DPF2: variants seen among roughly 807,000 people sequenced by gnomAD.
DPF2 encodes the protein double PHD fingers 2.
Under a neutral mutation model 59.6 loss-of-function variants are expected in DPF2, and 10 were observed. That is an observed-to-expected ratio of 0.17 (90% CI 0.10 to 0.28). The LOEUF (loss-of-function observed/expected upper bound fraction) is 0.28, where lower values mean the gene tolerates loss of function less well. Among genes scored for constraint, DPF2 ranks in the 10% least tolerant of loss-of-function variants. DPF2 has a pLI of 1.00. For synonymous variants in DPF2, 189 were observed against 190.6 expected (o/e 0.99, Z 0.07); for missense variants, 315 against 509.4 (o/e 0.62, Z 3.67).
chr11:65,348,572 C>A, intron 9 of DPF2: 1 of 371,892 alleles, frequency 2.7e-6, no homozygotes, highest in Non-Finnish European at 4.8e-6. Flanking sequence ...CAGCAATACC[C>A]TGTCTCAAAA....
intron 6 of DPF2, chr11:65,345,416 A>G: frequency 1.9e-6 from 1 of 520,490 alleles, no homozygotes; most frequent in Non-Finnish European, 3.4e-6. Context: ...AAAAGTCAAC[A>G]TGGAAGAGCA....
rs535335942 is a variant in DPF2, at chr11:65,350,223, G to A, written c.1099+1292G>A. ...TCCTCACTGTAGTGTTAAGGCAGCT[G>A]AGGGGCAACCCCTAGAAGTATCAGA... On this transcript the variant is annotated intron_variant, in intron 10 of 10. Coordinates refer to ENST00000528416, the MANE Select transcript of DPF2 (RefSeq NM_006268.5). Among the ~76,000 whole-genome samples the A allele has an allele frequency of 3.3e-5, 5 of 152,292 alleles. No homozygotes were observed. The East Asian group carries it at 9.7e-4, about 29-fold the overall frequency.
rs761879535 is a variant in DPF2 at position 65,341,519 on chromosome 11, A to G, written c.422A>G (p.Asp141Gly). ...GCCCCGGATCCCCGAGTTGATGATG[A>G]CAGCCTGGGCGAGTTTCCTGTGACC... is the stretch of plus-strand genomic sequence containing the variant. ...RGAPDPRVDD[D>G]SLGEFPVTNS... Residue 141 changes from aspartate (D) to glycine (G), a missense_variant, in exon 4 of 11, where the codon GAC (aspartate) becomes GGC (glycine). By Grantham distance (94) the Asp-to-Gly change is moderately conservative. Around this residue, in one of 4 missense-constraint regions of DPF2, gnomAD observed 228 missense variants for 275.3 expected, o/e 0.83. Coordinates refer to ENST00000528416, the MANE Select transcript of DPF2 (RefSeq NM_006268.5). The G allele has an allele frequency of 1.2e-5, 19 of 1,614,102 alleles. 1 individual carries two copies. In the South Asian group the frequency reaches 1.8e-4, roughly 15 times the overall value.
Position 65,353,304 on chromosome 11 carries a change from A to G in DPF2, c.*1545A>G, listed in dbSNP as rs886793168. On this transcript the variant is annotated 3_prime_UTR_variant, in exon 11 of 11. Transcript: ENST00000528416. The stretch of plus-strand genomic sequence containing the variant: ...ATTTGGAGAATTCTCCTAGTCTTGG[A>G]TACATAGATGGAAGTGATGACAGGT... 1 of 152,182 alleles carries G rather than the reference A, an allele frequency of 6.6e-6. No individual in the cohort carries two copies. The highest frequency in any genetic ancestry group is 1.5e-5 in the Non-Finnish European group (1 of 68,032). 9.4% of individuals were successfully genotyped at this position (152,182 alleles called of 1,614,324 possible).
At chr11:65,349,064 G>A (rs1323640873) in intron 10 of DPF2, 133 bp downstream of exon 10, 27 of 902,662 alleles carry the variant, frequency 3.0e-5, no homozygotes, top group Non-Finnish European at 4.3e-5. Flanking sequence ...CCTTGGCTCA[G>A]TTTAGAATGC....
At chr11:65,341,630 C>T (rs1854377897) in intron 4 of DPF2, 68 bp downstream of exon 4, 2 of 1,592,080 alleles carry the variant, frequency 1.3e-6, no homozygotes, top group African/African-American at 1.3e-5. Flanking sequence ...TGGGGGCCAC[C>T]TAGTTTCTAG....
At chr11:65,336,884 T>A (rs1416722199) in intron 1 of DPF2, among the ~76,000 whole-genome samples, 2 of 137,956 alleles carry the variant, frequency 1.4e-5, no homozygotes, top group East Asian at 2.2e-4. Context: ...AGGTCAGGAG[T>A]TTGAGACCAG....
chr11:65,341,497 C>G lies in DPF2; in HGVS notation c.400C>G (p.Pro134Ala). 6.2e-7 allele frequency: 1 copy of G among 1,614,188 alleles called. No homozygotes were observed. The highest frequency in any genetic ancestry group is 8.5e-7 in the Non-Finnish European group (1 of 1,180,038). The stretch of plus-strand genomic sequence containing the variant: ...TGACCCCCTGGAGAAGCGAGGTGCC[C>G]CGGATCCCCGAGTTGATGATGACAG... ...RTDPLEKRGAPDPRVDDDSLG... is the reference protein window; with the variant it reads ...RTDPLEKRGAADPRVDDDSLG... The change falls in exon 4 of 11, where the codon CCG (proline) becomes GCG (alanine). Residue 134 changes from proline to alanine, a missense_variant. Transcript: ENST00000528416.
At chr11:65,334,169 G>C (rs936573061) in intron 1 of DPF2, among the ~76,000 whole-genome samples, 1 of 152,192 alleles carries the variant, frequency 6.6e-6, no homozygotes, top group Non-Finnish European at 1.5e-5. Flanking sequence ...TGGCCTCAGC[G>C]TTCCTCGGGG....
chr11:65,338,389 C>T (rs954836543), intron 1 of DPF2, among the ~76,000 whole-genome samples: 4 of 152,240 alleles, frequency 2.6e-5, no homozygotes, highest in Non-Finnish European at 5.9e-5. Context: ...AGAGCCCTGA[C>T]AGAACATCTC....
intron 1 of DPF2, among the ~76,000 whole-genome samples, chr11:65,340,023 C>A (rs1057415468): frequency 6.6e-6 from 1 of 152,190 alleles, no homozygotes; most frequent in African/African-American, 2.4e-5. Context: ...GAGGGACTAT[C>A]ATCTGCTTCT....
At chr11:65,345,326 C>CT (rs1409522017) in intron 6 of DPF2, 1 of 262,136 alleles carries the variant, frequency 3.8e-6, no homozygotes, top group African/African-American at 2.2e-5. Flanking sequence ...ATATCCTTCC[C>CT]TTTCCTGACC....
chr11:65,344,735 C>A, intron 6 of DPF2: 1 of 1,200,188 alleles, frequency 8.3e-7, no homozygotes, highest in Admixed American at 2.1e-5. Context: ...TCTGGAATGG[C>A]ATGGGGGTAG....
Position 65,354,059 on chromosome 11 carries a change from A to G in DPF2, c.*2300A>G, listed in dbSNP as rs904466975. On this transcript the variant is annotated 3_prime_UTR_variant, in exon 11 of 11. Coordinates refer to ENST00000528416, the MANE Select transcript of DPF2 (RefSeq NM_006268.5). ...GTCAGCCGGTAGGACGGGGGTGCGG[A>G]CGGAAGCCTGTGAGGAAGGCAGAGG... Among the ~76,000 whole-genome samples, 1 of 152,132 alleles carries G rather than the reference A, an allele frequency of 6.6e-6. No homozygotes were observed. Among genetic ancestry groups the G allele is most frequent in the Non-Finnish European group, 1.5e-5 (1 of 68,012 alleles).
At chr11:65,349,093 T>G (rs1482826795) in intron 10 of DPF2, among the ~76,000 whole-genome samples, 162 bp downstream of exon 10, 1 of 152,188 alleles carries the variant, frequency 6.6e-6, no homozygotes, top group Non-Finnish European at 1.5e-5. Flanking sequence ...CATTTCAACT[T>G]AAAGGGTTTA....
chr11:65,343,779 T>A lies in DPF2; in HGVS notation c.500T>A (p.Leu167His). 6.3e-7 allele frequency: 1 copy of A among 1,598,424 alleles called. No individual in the cohort carries two copies. Among genetic ancestry groups the A allele is most frequent in the Non-Finnish European group, 8.5e-7 (1 of 1,172,788 alleles). ...ILEPDDFLDD[L>H]DDEDYEEDTP... ...GAACCAGATGACTTCCTGGATGACCTCGATGATGAAGACTATGAAGAAGAT... is the reference window on the plus strand; with the variant it reads ...GAACCAGATGACTTCCTGGATGACCACGATGATGAAGACTATGAAGAAGAT... The change falls in exon 5 of 11, where the codon CTC becomes CAC. Residue 167 changes from leucine (L) to histidine (H), a missense_variant. Leu to His is a moderately conservative substitution (Grantham distance 99). Around this residue, in one of 4 missense-constraint regions of DPF2, gnomAD observed 228 missense variants for 275.3 expected, o/e 0.83. Coordinates refer to ENST00000528416, the MANE Select transcript of DPF2 (RefSeq NM_006268.5).
rs1306134733 is a variant in DPF2 at position 65,352,261 on chromosome 11, G to T, written c.*502G>T. The stretch of plus-strand genomic sequence containing the variant: ...CATAGCCTCACCTCTTTCCTCCAGA[G>T]TGGCTCTCTGCGGCCCTGTGTTCCT... On this transcript the variant is annotated 3_prime_UTR_variant, in exon 11 of 11. Transcript: ENST00000528416. 1 of 162,942 alleles carries T rather than the reference G, an allele frequency of 6.1e-6. No homozygotes were observed. The highest frequency in any genetic ancestry group is 1.4e-5 in the Non-Finnish European group (1 of 73,940). 10.1% of individuals were successfully genotyped at this position (162,942 alleles called of 1,614,324 possible).
chr11:65,340,611 G>GAT (rs1854335810), intron 2 of DPF2, 66 bp downstream of exon 2: 1 of 1,586,692 alleles, frequency 6.3e-7, no homozygotes, highest in African/African-American at 1.4e-5. Context: ...CCTCATCTTA[G>GAT]GTGATGAGAC....
intron 6 of DPF2, 162 bp downstream of exon 6, chr11:65,344,231 G>C (rs1290015227): frequency 4.1e-5 from 29 of 713,328 alleles, no homozygotes; most frequent in Non-Finnish European, 4.8e-6. Context: ...GGGAGGCCTG[G>C]GTCCCTGCTA....
Sources: gnomAD v4.1 joint callset for allele counts (sites outside exome capture counted in the v4.1 genomes callset) on GRCh38, gnomAD v4.1.1 for gene constraint, gnomAD v4.1.1 regional missense constraint, MANE v1.5 for transcripts, NCBI Gene and HGNC (gene_info 2026-07-23, HGNC 2026-07-21) for gene names.